The following ATP13A1 variants were observed in gnomAD, a reference collection of about 807,000 sequenced individuals.
ATP13A1 encodes ATPase 13A1.
Under a neutral mutation model 134.8 loss-of-function variants are expected in ATP13A1, and 55 were observed. The ratio of observed to expected loss-of-function variants is 0.41; its 90% CI spans 0.33 to 0.51. The LOEUF (loss-of-function observed/expected upper bound fraction) is 0.51. ATP13A1 is among the 20% of genes least tolerant of loss of function. The pLI, the probability that ATP13A1 is intolerant of heterozygous loss-of-function variation, is 0.29. For synonymous variants in ATP13A1, 775 were observed against 725.1 expected, an observed-to-expected ratio of 1.07 and a Z score of -1.10; for missense variants, 1,389 against 1,652.8, an observed-to-expected ratio of 0.84 and a Z score of 2.77.
Position 19,656,747 on chromosome 19 carries a change from G to A in ATP13A1, c.996C>T (p.Asn332=), listed in dbSNP as rs752461064. 8.7e-6 allele frequency: 14 copies of A among 1,613,744 alleles called. No homozygotes were observed. The highest frequency in any genetic ancestry group is 3.3e-4 in the Middle Eastern group (2 of 6,062). ...IVSIGRSPQE[N]LVPCDVLLLR... is the part of the protein sequence containing the mutation. Reference sequence around the variant, plus strand: ...GCAGAAGCACGTCACATGGCACCAGGTTCTCCTGTGGGGAGCGGCCTGCAG... The same window carrying A: ...GCAGAAGCACGTCACATGGCACCAGATTCTCCTGTGGGGAGCGGCCTGCAG... Residue 332 remains asparagine, a synonymous_variant, in exon 7 of 26, where the codon AAC becomes AAT. Transcript: ENST00000357324. This position sits in a 1 kb window ranked among gnomAD's most constrained non-coding sequence, Gnocchi z 4.6.
chr19:19,649,209 C>T (rs2062008064), intron 19 of ATP13A1, among the ~76,000 whole-genome samples: 1 of 152,124 alleles, frequency 6.6e-6, no homozygotes, highest in African/African-American at 2.4e-5. Flanking sequence ...GTGATCCTCC[C>T]GCCTCAGCCT....
Position 19,656,704 on chromosome 19 carries a change from C to T in ATP13A1, c.1039G>A (p.Val347Ile), listed in dbSNP as rs756695544. 12 of 1,613,696 alleles carry T rather than the reference C, an allele frequency of 7.4e-6. No individual in the cohort carries two copies. The highest frequency in any genetic ancestry group is 3.3e-4 in the Middle Eastern group (2 of 6,084). Reference sequence around the variant, plus strand: ...TCCCCCGTGAGCATGGCCTCGTCTACGATGCAGCGGCCTCGCAGCAGAAGC... The same window carrying T: ...TCCCCCGTGAGCATGGCCTCGTCTATGATGCAGCGGCCTCGCAGCAGAAGC... ...DVLLLRGRCI[V>I]DEAMLTGESV... Residue 347 changes from valine (V) to isoleucine (I), a missense_variant, in exon 7 of 26, where the codon GTA becomes ATA. Physicochemically the swap from Val to Ile is conservative, Grantham distance 29. Transcript: ENST00000357324. This position sits in a 1 kb window ranked among gnomAD's most constrained non-coding sequence, Gnocchi z 4.6.
In ATP13A1 at chr19:19,657,055, T is replaced by C. The variant is rs1309783607; in HGVS notation, c.845A>G (p.Gln282Arg). 6.4e-7 allele frequency: 1 copy of C among 1,561,162 alleles called. No individual in the cohort carries two copies. The highest frequency in any genetic ancestry group is 8.7e-7 in the Non-Finnish European group (1 of 1,153,244). ...MLVAFEASLV[Q>R]QQMRNMSEIR... Reference sequence around the variant, plus strand: ...CTCCGACATGTTCCGCATCTGCTGCTGCACCAGCGAGGCCTCGAACGCCAC... The same window carrying C: ...CTCCGACATGTTCCGCATCTGCTGCCGCACCAGCGAGGCCTCGAACGCCAC... The change falls in exon 5 of 26, where the codon CAG becomes CGG. Residue 282 changes from glutamine (Q) to arginine (R), a missense_variant. Physicochemically the swap from Gln to Arg is conservative, Grantham distance 43. Around this residue, in one of 4 missense-constraint regions of ATP13A1, gnomAD observed 747 missense variants for 956.1 expected, o/e 0.78. Coordinates refer to ENST00000357324, the MANE Select transcript of ATP13A1 (RefSeq NM_020410.3).
Position 19,645,215 on chromosome 19 carries a change from G to A in ATP13A1, c.*207C>T. 1.7e-6 allele frequency: 1 copy of A among 604,182 alleles called. No homozygotes were observed. Among genetic ancestry groups the A allele is most frequent in the Non-Finnish European group, 2.9e-6 (1 of 339,566 alleles). 37.4% of individuals were successfully genotyped at this position (604,182 alleles called of 1,614,324 possible). On this transcript the variant is annotated 3_prime_UTR_variant, in exon 26 of 26. Coordinates refer to ENST00000357324, the MANE Select transcript of ATP13A1 (RefSeq NM_020410.3). The surrounding 1 kb of genome is among the most constrained non-coding windows in gnomAD (Gnocchi z 4.1). ...GGCAGGGCTTTTTAAAATCTCAGAT[G>A]CTGCTTTATTTACCAAAGGTGCTGG...
At chr19:19,660,377 G>A (rs1465889082) in intron 1 of ATP13A1, among the ~76,000 whole-genome samples, 1 of 152,184 alleles carries the variant, frequency 6.6e-6, no homozygotes, top group Non-Finnish European at 1.5e-5. Context: ...AGCTACTTAG[G>A]AGGCTGAGGC....
chr19:19,646,923 T>C lies in ATP13A1; in HGVS notation c.3105+206A>G, dbSNP rs554791076. On this transcript the variant is annotated intron_variant, in intron 22 of 25. Transcript: ENST00000357324. ...CCTGGGACCCCTACCTGTGGACAGG[T>C]GTGGACGCCAAGCTGTACCACCTGG... 22 of 596,310 alleles carry C rather than the reference T, an allele frequency of 3.7e-5. No individual in the cohort carries two copies. The South Asian group carries it at 4.0e-4, about 11-fold the overall frequency. The allele number at this position is 596,310 out of a possible 1,614,324, so 36.9% of individuals were successfully genotyped here. A position where few individuals can be genotyped will look rare whatever the true frequency, so the allele number is the denominator to read the frequency against.
rs1214398857 is a variant in ATP13A1, at chr19:19,654,616, CA to C, written c.1739del (p.Leu580ArgfsTer11). On this transcript the variant is annotated frameshift_variant, in exon 13 of 26. Coordinates refer to ENST00000357324, the MANE Select transcript of ATP13A1 (RefSeq NM_020410.3). LOFTEE classifies it high-confidence loss of function. ...ALASCHSLMQ[L>X]DDGTLVGDPL... ...GGTCACCCACGAGGGTGCCGTCGTCCAGCTGCATGAGCGAGTGGCACGAGGC... is the reference window on the plus strand; with the variant it reads ...GGTCACCCACGAGGGTGCCGTCGTCCGCTGCATGAGCGAGTGGCACGAGGC... 6.2e-7 allele frequency: 1 copy of C among 1,613,594 alleles called. No homozygotes were observed. The highest frequency in any genetic ancestry group is 8.5e-7 in the Non-Finnish European group (1 of 1,179,872).
chr19:19,654,294 G>T, intron 13 of ATP13A1, 150 bp from the exon 14 acceptor site: 2 of 1,020,784 alleles, frequency 2.0e-6, no homozygotes, highest in Non-Finnish European at 2.8e-6. Flanking sequence ...GTCCAGAGCT[G>T]GAAGACCTGG....
Position 19,655,107 on chromosome 19 carries a change from C to T in ATP13A1, c.1655+12G>A. On this transcript the variant is annotated intron_variant, in intron 12 of 25. Transcript: ENST00000357324. The surrounding 1 kb of genome is among the most constrained non-coding windows in gnomAD (Gnocchi z 5.7). Reference sequence around the variant, plus strand: ...TCTGGGTGACCTTTGCTGCAGGGCCCCTGATGCTTACCTCAGCCCGGCCAC... The same window carrying T: ...TCTGGGTGACCTTTGCTGCAGGGCCTCTGATGCTTACCTCAGCCCGGCCAC... 1.9e-6 allele frequency: 3 copies of T among 1,613,512 alleles called. No homozygotes were observed. Among genetic ancestry groups the T allele is most frequent in the Non-Finnish European group, 8.5e-7 (1 of 1,179,788 alleles).
Position 19,656,240 on chromosome 19 carries a change from C to G in ATP13A1, c.1084-57G>C. Reference sequence around the variant, plus strand: ...AGGCCTACCTTGCTTCCTTCTCCATCTGAGTTCCTGGACAGCTGGACCTTG... The same window carrying G: ...AGGCCTACCTTGCTTCCTTCTCCATGTGAGTTCCTGGACAGCTGGACCTTG... On this transcript the variant is annotated intron_variant, in intron 7 of 25. Coordinates refer to ENST00000357324, the MANE Select transcript of ATP13A1 (RefSeq NM_020410.3). This position sits in a 1 kb window ranked among gnomAD's most constrained non-coding sequence, Gnocchi z 4.6. The G allele has an allele frequency of 6.4e-7, 1 of 1,550,932 alleles. No individual in the cohort carries two copies. Among genetic ancestry groups the G allele is most frequent in the Non-Finnish European group, 8.7e-7 (1 of 1,148,050 alleles).
chr19:19,655,523 C>A lies in ATP13A1; in HGVS notation c.1396+5G>T. The A allele has an allele frequency of 1.2e-6, 2 of 1,613,994 alleles. No individual in the cohort carries two copies. The highest frequency in any genetic ancestry group is 1.6e-4 in the Middle Eastern group (1 of 6,062). ...GCAGGGGACCACAGAGGCCGTGGCG[C>A]TTACCTTCAATCCATACATAGGCAG... is the stretch of plus-strand genomic sequence containing the variant. On this transcript the variant is annotated splice_donor_5th_base_variant and intron_variant, in intron 10 of 25. Transcript: ENST00000357324. This position sits in a 1 kb window ranked among gnomAD's most constrained non-coding sequence, Gnocchi z 5.7.
chr19:19,646,241 T>C lies in ATP13A1; in HGVS notation c.3212A>G (p.Tyr1071Cys), dbSNP rs768062462. Residue 1071 changes from tyrosine (Y) to cysteine (C), a missense_variant, in exon 23 of 26, where the codon TAC becomes TGC. Physicochemically the swap from Tyr to Cys is radical, Grantham distance 194. Coordinates refer to ENST00000357324, the MANE Select transcript of ATP13A1 (RefSeq NM_020410.3). ...CCGGGCCTGGGCCTCACGGTACAGG[T>C]AGACAAGGCTCAGGAAGTGCACAAA... is the stretch of plus-strand genomic sequence containing the variant. ...QFFVHFLSLV[Y>C]LYREAQARSP... 4.3e-6 allele frequency: 7 copies of C among 1,613,722 alleles called. No individual in the cohort carries two copies. The highest frequency in any genetic ancestry group is 4.0e-5 in the African/African-American group (3 of 74,890).
At position 19,645,319 on chromosome 19, in the gene ATP13A1, A is replaced by G. The variant is rs904706231; in HGVS notation, c.*103T>C. ...CAGTCTTCCAAGGGCGAGACTGTAC[A>G]GCCTTGCTGTGGGGGGTTGGGGGCA... On this transcript the variant is annotated 3_prime_UTR_variant, in exon 26 of 26. Transcript: ENST00000357324. This position sits in a 1 kb window ranked among gnomAD's most constrained non-coding sequence, Gnocchi z 4.1. The G allele has an allele frequency of 7.7e-7, 1 of 1,303,744 alleles. No individual in the cohort carries two copies. The allele number at this position is 1,303,744 out of a possible 1,614,324, so 80.8% of individuals were successfully genotyped here.
In ATP13A1 at chr19:19,645,582, G is replaced by C. The variant is rs1208525591; in HGVS notation, c.3505-50C>G. On this transcript the variant is annotated intron_variant, in intron 25 of 25. Coordinates refer to ENST00000357324, the MANE Select transcript of ATP13A1 (RefSeq NM_020410.3). The surrounding 1 kb of genome is among the most constrained non-coding windows in gnomAD (Gnocchi z 4.1). ...AGCTGGAGACCTGCAGCCCAGCTCA[G>C]GGTCACTGCCATAGGAGGGACCCAT... is the stretch of plus-strand genomic sequence containing the variant. 6.4e-7 allele frequency: 1 copy of C among 1,563,078 alleles called. No homozygotes were observed. Among genetic ancestry groups the C allele is most frequent in the African/African-American group, 1.4e-5 (1 of 73,600 alleles).
intron 23 of ATP13A1, 58 bp downstream of exon 23, chr19:19,646,147 G>A: frequency 6.2e-7 from 1 of 1,610,146 alleles, no homozygotes; most frequent in Non-Finnish European, 8.5e-7. Context: ...AGTCTGTGGA[G>A]TCATCCTCCT....
chr19:19,648,512 G>A (rs9749249), intron 19 of ATP13A1, among the ~76,000 whole-genome samples: 34,068 of 140,836 alleles, frequency 0.24, 4,170 homozygotes, highest in Middle Eastern at 0.35. Flanking sequence ...AAAAAAAAAA[G>A]AAAAAAGAAA....
At chr19:19,658,220 C>T (rs1457304910) in intron 3 of ATP13A1, among the ~76,000 whole-genome samples, 5 of 148,540 alleles carry the variant, frequency 3.4e-5, no homozygotes, top group African/African-American at 1.2e-4. Context: ...TTCTGCAGTA[C>T]TCTGTGCCAT....
chr19:19,648,498 CAAAAAAAAAAAAAGAA>C (rs1275792319), intron 19 of ATP13A1, among the ~76,000 whole-genome samples: 2 of 100,146 alleles, frequency 2.0e-5, no homozygotes, highest in Non-Finnish European at 4.4e-5. Context: ...TGAGTTCTTG[CAAAAAAAAAAAAAGAA>C]AAAAGAAAAA....
Position 19,656,085 on chromosome 19 carries a change from G to A in ATP13A1, c.1182C>T (p.Ile394=). Residue 394 remains isoleucine (I), a synonymous_variant, in exon 8 of 26, where the codon ATC becomes ATT. Transcript: ENST00000357324. This position sits in a 1 kb window ranked among gnomAD's most constrained non-coding sequence, Gnocchi z 4.6. ...IFGGTKVVQH[I]PPQKATTGLK... ...GGCCCGTGGTGGCTTTCTGTGGGGG[G>A]ATGTGCTGCACCACCTTGGTGCCCC... 6.2e-7 allele frequency: 1 copy of A among 1,613,734 alleles called. No homozygotes were observed. The highest frequency in any genetic ancestry group is 8.5e-7 in the Non-Finnish European group (1 of 1,179,786).
Sources: allele counts gnomAD v4.1 joint callset (sites outside exome capture counted in the v4.1 genomes callset), GRCh38; gene constraint gnomAD v4.1.1; regional missense constraint gnomAD v4.1.1; non-coding constraint Gnocchi (gnomAD v3.1); transcripts MANE v1.5; gene names NCBI Gene and HGNC (gene_info 2026-07-23, HGNC 2026-07-21).